Variants in FHIT observed in about 807,000 individuals in gnomAD.
FHIT encodes fragile histidine triad diadenosine triphosphatase, also known as bis(5'-adenosyl)-triphosphatase.
FHIT carries 19 observed loss-of-function variants against 17.9 expected under a neutral mutation model. The observed-to-expected ratio is 1.06, with a 90% CI of 0.74 to 1.56. The LOEUF (loss-of-function observed/expected upper bound fraction) is 1.56, where lower values mean the gene tolerates loss of function less well. Among genes scored for constraint, FHIT ranks in the 40% most tolerant of loss-of-function variants. The pLI is 0.00. For missense variants in FHIT, 248 were observed against 189.2 expected (o/e 1.31, Z -1.82); for synonymous variants, 81 against 69.7 (o/e 1.16, Z -0.81).
At chr3:60,839,699 C>T (rs750628594) in intron 3 of FHIT, among the ~76,000 whole-genome samples, 240 of 152,258 alleles carry the variant, frequency 1.6e-3, no homozygotes, top group South Asian at 2.7e-3. Flanking sequence ...TGTCCCTCTC[C>T]CTCTCCCGTT....
intron 5 of FHIT, among the ~76,000 whole-genome samples, chr3:60,438,858 C>A (rs1027838882): frequency 8.5e-5 from 13 of 152,110 alleles, no homozygotes; most frequent in African/African-American, 2.9e-4. Flanking sequence ...TTCTAGAACA[C>A]TGTACAATCT....
chr3:59,749,680 G>A lies in FHIT; in HGVS notation c.*6-101C>T, dbSNP rs138545828. ...GCAAATGGTTAGCATCTGGTGCTCT[G>A]GGACTTTTGGTTACGAAGAAGTGGG... On this transcript the variant is annotated intron_variant, in intron 9 of 9. Transcript: ENST00000492590. The A allele has an allele frequency of 3.1e-4, 72 of 230,450 alleles. No homozygotes were observed. In the East Asian group the frequency reaches 4.0e-3, roughly 13 times the overall value. 14.3% of individuals were successfully genotyped at this position (230,450 alleles called of 1,614,324 possible). A position where few individuals can be genotyped will look rare whatever the true frequency, so the allele number is the denominator to read the frequency against.
chr3:60,930,824 A>G (rs1482471572), intron 3 of FHIT, among the ~76,000 whole-genome samples: 1 of 152,234 alleles, frequency 6.6e-6, no homozygotes, highest in Non-Finnish European at 1.5e-5. Flanking sequence ...TCAAGGATCT[A>G]GAACTAGAAA....
intron 7 of FHIT, among the ~76,000 whole-genome samples, chr3:59,974,574 G>A (rs778952511): frequency 1.3e-5 from 2 of 152,052 alleles, no homozygotes; most frequent in African/African-American, 4.8e-5. Context: ...TGACATTTAA[G>A]TGGCAGTGAC....
chr3:60,475,158 T>G (rs1125547), intron 5 of FHIT, among the ~76,000 whole-genome samples: 1 of 148,950 alleles, frequency 6.7e-6, no homozygotes, highest in Non-Finnish European at 1.5e-5. Context: ...TTTTACTATG[T>G]GCCAGGCACT....
intron 5 of FHIT, among the ~76,000 whole-genome samples, chr3:60,458,301 A>T (rs1366129359): frequency 4.6e-5 from 7 of 152,084 alleles, no homozygotes; most frequent in African/African-American, 1.7e-4. Flanking sequence ...ATGAAGGTGG[A>T]AACATCATTC....
chr3:61,227,141 AGG>A (rs1247151540), intron 1 of FHIT, among the ~76,000 whole-genome samples: 2 of 152,190 alleles, frequency 1.3e-5, no homozygotes. Context: ...TGACAAGTGG[AGG>A]ACTTTTCTCC....
chr3:60,042,873 T>C (rs1351445660), intron 5 of FHIT, among the ~76,000 whole-genome samples: 3 of 152,078 alleles, frequency 2.0e-5, no homozygotes, highest in African/African-American at 7.2e-5. Context: ...AGTGGAAAGG[T>C]ACCATTGTCA....
intron 5 of FHIT, among the ~76,000 whole-genome samples, chr3:60,173,527 T>G (rs1701511403): frequency 1.3e-5 from 2 of 152,056 alleles, no homozygotes; most frequent in African/African-American, 4.8e-5. Context: ...TGTACAACCT[T>G]TTCTCTGCAA....
At chr3:60,378,302 C>T (rs1360765195) in intron 5 of FHIT, among the ~76,000 whole-genome samples, 2 of 152,138 alleles carry the variant, frequency 1.3e-5, no homozygotes, top group African/African-American at 4.8e-5. Flanking sequence ...CTTAAAAACG[C>T]CCATAGTTTC....
At chr3:60,964,419 T>A (rs1487719953) in intron 3 of FHIT, among the ~76,000 whole-genome samples, 6 of 152,294 alleles carry the variant, frequency 3.9e-5, no homozygotes. Context: ...ATTGGAGCAT[T>A]TAGTCCATTT....
intron 2 of FHIT, among the ~76,000 whole-genome samples, chr3:61,097,525 A>G (rs1406724505): frequency 6.6e-6 from 1 of 152,164 alleles, no homozygotes; most frequent in Admixed American, 6.5e-5. Context: ...AGGAATCGTC[A>G]CACTGTCTTC....
chr3:60,328,512 TACTA>T (rs757399164), intron 5 of FHIT, among the ~76,000 whole-genome samples: 205 of 152,174 alleles, frequency 1.3e-3, no homozygotes, highest in Non-Finnish European at 2.1e-3. Flanking sequence ...TTGTGAGACT[TACTA>T]ACTAACAGGA....
intron 5 of FHIT, among the ~76,000 whole-genome samples, chr3:60,454,939 T>TACCATAATAAACCCAAGTTTACTATC (rs2031993339): frequency 2.6e-5 from 4 of 152,016 alleles, no homozygotes; most frequent in Admixed American, 2.6e-4. Context: ...AGTTTAATAT[T>TACCATAATAAACCCAAGTTTACTATC]ACCATAATAA....
At chr3:60,196,255 A>G (rs1264954669) in intron 5 of FHIT, among the ~76,000 whole-genome samples, 1 of 152,158 alleles carries the variant, frequency 6.6e-6, no homozygotes, top group African/African-American at 2.4e-5. Context: ...GCTCTAGTTC[A>G]GAATCCATTC....
chr3:60,829,740 T>C (rs1314393485), intron 3 of FHIT, among the ~76,000 whole-genome samples: 2 of 147,392 alleles, frequency 1.4e-5, no homozygotes, highest in East Asian at 3.9e-4. Context: ...TTGGGCTCCA[T>C]TAGAAGGAGG....
rs1287865270 is a variant in FHIT at position 60,196,240 on chromosome 3, TG to T, written c.104-182089del. Among the ~76,000 whole-genome samples, 4 of 152,156 alleles carry T rather than the reference TG, an allele frequency of 2.6e-5. No homozygotes were observed. The East Asian group carries it at 7.7e-4, about 29-fold the overall frequency. ...AAAGTAAGCAGGGCTGTGTTCCTTC[TG>T]GGGGCTCTAGTTCAGAATCCATTCC... is the stretch of plus-strand genomic sequence containing the variant. On this transcript the variant is annotated intron_variant, in intron 5 of 9. Transcript: ENST00000492590.
chr3:59,784,661 T>G (rs1702756887), intron 8 of FHIT, among the ~76,000 whole-genome samples: 2 of 152,162 alleles, frequency 1.3e-5, no homozygotes, highest in Non-Finnish European at 2.9e-5. Context: ...TTCAACATCC[T>G]TTTTCTTCCT....
At chr3:59,986,505 A>C (rs1708910431) in intron 7 of FHIT, among the ~76,000 whole-genome samples, 1 of 1,322 alleles carries the variant, frequency 7.6e-4, no homozygotes, top group Non-Finnish European at 4.6e-3. Flanking sequence ...CAAAATATAT[A>C]TATATATATA....
Sources: gnomAD v4.1 joint callset for allele counts (sites outside exome capture counted in the v4.1 genomes callset) on GRCh38, gnomAD v4.1.1 for gene constraint, MANE v1.5 for transcripts, NCBI Gene and HGNC (gene_info 2026-07-23, HGNC 2026-07-21) for gene names.